STK38L: variants seen among roughly 807,000 people sequenced by gnomAD.
STK38L encodes serine/threonine-protein kinase 38-like.
In STK38L, 28 loss-of-function variants were observed where a neutral mutation model predicts 59.7. The ratio of observed to expected loss-of-function variants is 0.47; its 90% confidence interval spans 0.35 to 0.64. The LOEUF (loss-of-function observed/expected upper bound fraction) is 0.64, where lower values mean the gene tolerates loss of function less well. Ranked by LOEUF, STK38L falls within the 30% of genes least tolerant of loss-of-function variation. STK38L has a pLI of 0.01. For missense variants in STK38L, 314 were observed against 555.8 expected, an observed-to-expected ratio of 0.56 and a Z score of 4.37; for synonymous variants, 162 against 176.8, an observed-to-expected ratio of 0.92 and a Z score of 0.66.
rs528147041 is a variant in STK38L, at chr12:27,268,224, G to A, written c.-12+23892G>A. Reference sequence around the variant, plus strand: ...GTTGGTGTGCTGCACCCATTAACTCGTCATTTAACATTAGGTATATCTCCT... The same window carrying A: ...GTTGGTGTGCTGCACCCATTAACTCATCATTTAACATTAGGTATATCTCCT... On this transcript the variant is annotated intron_variant, in intron 1 of 13. Coordinates refer to ENST00000389032, the MANE Select transcript of STK38L (RefSeq NM_015000.4). Among the ~76,000 whole-genome samples, 9 of 151,956 alleles carry A rather than the reference G, an allele frequency of 5.9e-5. 1 individual carries two copies. In the South Asian group the frequency reaches 1.7e-3, roughly 28 times the overall value.
chr12:27,271,598 T>A (rs17496245), intron 1 of STK38L, among the ~76,000 whole-genome samples: 27,557 of 152,222 alleles, frequency 0.18, 2,775 homozygotes, highest in Non-Finnish European at 0.23. Flanking sequence ...GTTTTTGAGC[T>A]TGGATAGTTA....
At chr12:27,253,786 C>G (rs7980578) in intron 1 of STK38L, among the ~76,000 whole-genome samples, 1 of 151,992 alleles carries the variant, frequency 6.6e-6, no homozygotes, top group African/African-American at 2.4e-5. Context: ...ATGTAAGACA[C>G]GAAGCATATT....
At chr12:27,271,199 A>G (rs577397855) in intron 1 of STK38L, among the ~76,000 whole-genome samples, 1 of 152,398 alleles carries the variant, frequency 6.6e-6, no homozygotes, top group East Asian at 1.9e-4. Context: ...ATTCAAAGTC[A>G]GCCAGTCTAG....
At chr12:27,317,021 T>TG (rs1944602413) in intron 9 of STK38L, among the ~76,000 whole-genome samples, 1 of 152,146 alleles carries the variant, frequency 6.6e-6, no homozygotes, top group Non-Finnish European at 1.5e-5. Flanking sequence ...GAGCTTCTTG[T>TG]GGGGGCAGAA....
At chr12:27,248,203 C>G (rs568894397) in intron 1 of STK38L, among the ~76,000 whole-genome samples, 5 of 152,284 alleles carry the variant, frequency 3.3e-5, no homozygotes, top group Admixed American at 1.3e-4. Flanking sequence ...GAATGTTGGT[C>G]TCAGCCCTTT....
Position 27,302,117 on chromosome 12 carries a change from T to G in STK38L, c.135-20T>G. On this transcript the variant is annotated intron_variant, in intron 2 of 13. Transcript: ENST00000389032. ...AGTTAGGAATGTATTTAAAATTTAA[T>G]TTTTTTTTCCTTTGAAAAGGCAGAA... The G allele has an allele frequency of 6.4e-7, 1 of 1,565,706 alleles. No homozygotes were observed. Among genetic ancestry groups the G allele is most frequent in the East Asian group, 2.3e-5 (1 of 43,624 alleles).
At chr12:27,252,581 G>A (rs1359682034) in intron 1 of STK38L, among the ~76,000 whole-genome samples, 1 of 152,216 alleles carries the variant, frequency 6.6e-6, no homozygotes, top group Non-Finnish European at 1.5e-5. Flanking sequence ...TCAGTTTATT[G>A]TAGTACTAGG....
rs988732441 is a variant in STK38L, at chr12:27,325,275, T to C, written c.*2820T>C. The C allele has an allele frequency of 2.6e-5, 4 of 152,184 alleles. No homozygotes were observed. Among genetic ancestry groups the C allele is most frequent in the Non-Finnish European group, 4.4e-5 (3 of 68,000 alleles). 9.4% of individuals were successfully genotyped at this position (152,184 alleles called of 1,614,324 possible). ...GAAAATAAGTGTGGAGTATTAAAAA[T>C]GTTCTTTGGTTGGTAAGGCCTAAGA... On this transcript the variant is annotated 3_prime_UTR_variant, in exon 14 of 14. Transcript: ENST00000389032.
At chr12:27,277,759 A>G (rs1943568968) in intron 1 of STK38L, among the ~76,000 whole-genome samples, 1 of 152,126 alleles carries the variant, frequency 6.6e-6, no homozygotes, top group African/African-American at 2.4e-5. Flanking sequence ...GGAAGGGGAT[A>G]TAGTGCTTAT....
chr12:27,317,884 T>C lies in STK38L; in HGVS notation c.956-12T>C. ...AAGCTGATGAAACATTTTTGATTTA[T>C]TTGATACATAGGATATCCACCTTTC... On this transcript the variant is annotated splice_polypyrimidine_tract_variant and intron_variant, in intron 10 of 13. Coordinates refer to ENST00000389032, the MANE Select transcript of STK38L (RefSeq NM_015000.4). 6.2e-7 allele frequency: 1 copy of C among 1,612,122 alleles called. No homozygotes were observed. Among genetic ancestry groups the C allele is most frequent in the Non-Finnish European group, 8.5e-7 (1 of 1,179,468 alleles).
chr12:27,250,716 T>G (rs1486718845), intron 1 of STK38L, among the ~76,000 whole-genome samples: 2 of 151,798 alleles, frequency 1.3e-5, no homozygotes, highest in African/African-American at 2.4e-5. Flanking sequence ...AATTGCTCCT[T>G]CAGGCCGGGC....
At chr12:27,278,967 G>A (rs916035388) in intron 1 of STK38L, among the ~76,000 whole-genome samples, 1 of 152,162 alleles carries the variant, frequency 6.6e-6, no homozygotes, top group African/African-American at 2.4e-5. Context: ...TAATAATTTG[G>A]AGGATAAAAA....
At chr12:27,248,257 G>C (rs1392550241) in intron 1 of STK38L, among the ~76,000 whole-genome samples, 1 of 152,230 alleles carries the variant, frequency 6.6e-6, no homozygotes, top group East Asian at 1.9e-4. Context: ...GGCAGAAACA[G>C]GGTGAATAGA....
At chr12:27,322,060 A>G in intron 12 of STK38L, 83 bp from the exon 13 acceptor site, 1 of 1,253,644 alleles carries the variant, frequency 8.0e-7, no homozygotes, top group Non-Finnish European at 1.1e-6. Flanking sequence ...GTAGAATAGT[A>G]TGCAGAATTT....
rs1005895370 is a variant in STK38L at position 27,308,938 on chromosome 12, TAA to T, written c.310-174_310-173del. 6.9e-6 allele frequency among the ~76,000 whole-genome samples: 1 copy of T among 144,868 alleles called. No individual in the cohort carries two copies. The highest frequency in any genetic ancestry group is 7.0e-5 in the Admixed American group (1 of 14,350). On this transcript the variant is annotated intron_variant, in intron 4 of 13. Coordinates refer to ENST00000389032, the MANE Select transcript of STK38L (RefSeq NM_015000.4). The surrounding 1 kb of genome is among the most constrained non-coding windows in gnomAD (Gnocchi z 4.5). The stretch of plus-strand genomic sequence containing the variant: ...TATATTAATATATATAAAATATATA[TAA>T]ATATATATATAACATATATAAAAAT...
chr12:27,252,547 T>G (rs1461616882), intron 1 of STK38L, among the ~76,000 whole-genome samples: 1 of 152,238 alleles, frequency 6.6e-6, no homozygotes, highest in Non-Finnish European at 1.5e-5. Context: ...GACTTTTCTG[T>G]ATTTGGCAGC....
Position 27,308,930 on chromosome 12 carries a change from A to G in STK38L, c.310-184A>G, listed in dbSNP as rs1023296893. ...TATAAATATATATTAATATATATAA[A>G]ATATATATAAATATATATATAACAT... On this transcript the variant is annotated intron_variant, in intron 4 of 13. Coordinates refer to ENST00000389032, the MANE Select transcript of STK38L (RefSeq NM_015000.4). The surrounding 1 kb of genome is among the most constrained non-coding windows in gnomAD (Gnocchi z 4.5). Among the ~76,000 whole-genome samples, 7 of 145,248 alleles carry G rather than the reference A, an allele frequency of 4.8e-5. No individual in the cohort carries two copies. The highest frequency in any genetic ancestry group is 1.1e-4 in the Non-Finnish European group (7 of 66,064).
chr12:27,259,570 T>G (rs1267192025), intron 1 of STK38L, among the ~76,000 whole-genome samples: 1 of 152,218 alleles, frequency 6.6e-6, no homozygotes, highest in East Asian at 1.9e-4. Flanking sequence ...GTAAAAGGTC[T>G]TTGTAAACTG....
At chr12:27,319,082 T>C (rs1281405573) in intron 11 of STK38L, among the ~76,000 whole-genome samples, 1 of 152,196 alleles carries the variant, frequency 6.6e-6, no homozygotes, top group Non-Finnish European at 1.5e-5. Context: ...AGACCTAACA[T>C]AGTAACTATG....
Sources: allele counts gnomAD v4.1 joint callset (sites outside exome capture counted in the v4.1 genomes callset), GRCh38; gene constraint gnomAD v4.1.1; non-coding constraint Gnocchi (gnomAD v3.1); transcripts MANE v1.5; gene names NCBI Gene and HGNC (gene_info 2026-07-23, HGNC 2026-07-21).